The following SPDEF variants were observed in gnomAD, a reference collection of about 807,000 sequenced individuals.
SPDEF encodes the protein SAM pointed domain-containing Ets transcription factor.
A neutral mutation model predicts 36.0 loss-of-function variants in SPDEF; 12 were observed. The ratio of observed to expected loss-of-function variants is 0.33; its 90% CI spans 0.21 to 0.54. The LOEUF (loss-of-function observed/expected upper bound fraction) is 0.54, where lower values mean the gene tolerates loss of function less well. SPDEF is among the 20% of genes least tolerant of loss of function. The probability of loss-of-function intolerance (pLI) is 0.93; values close to 1 mark genes in which losing one functional copy is unlikely to be tolerated. For synonymous variants in SPDEF, 205 were observed against 193.0 expected (o/e 1.06, Z -0.51); for missense variants, 388 against 456.9 (o/e 0.85, Z 1.37).
In SPDEF at chr6:34,549,506, C is replaced by A. The variant is rs544110626; in HGVS notation, c.-29-5022G>T. Among the ~76,000 whole-genome samples the A allele has an allele frequency of 4.7e-4, 71 of 152,318 alleles. 1 individual carries two copies. Among genetic ancestry groups the A allele is most frequent in the African/African-American group, 1.7e-3 (71 of 41,564 alleles). On this transcript the variant is annotated intron_variant, in intron 1 of 5. Coordinates refer to ENST00000374037, the MANE Select transcript of SPDEF (RefSeq NM_012391.3). Reference sequence around the variant, plus strand: ...TGCCTCCCAGGTTTTCACTCCCACACCCCAACTGGCATCAGCAAAAGATGC... The same window carrying A: ...TGCCTCCCAGGTTTTCACTCCCACAACCCAACTGGCATCAGCAAAAGATGC...
In SPDEF at chr6:34,541,196, T is replaced by C; in HGVS notation, c.437-15A>G. On this transcript the variant is annotated splice_polypyrimidine_tract_variant and intron_variant, in intron 2 of 5. Transcript: ENST00000374037. ...GTCCATGGGATCTGGGCAAGAGGCA[T>C]CCCCTCAGCTCAGGGGTGGCCTGAG... The C allele has an allele frequency of 6.3e-7, 1 of 1,581,304 alleles. No homozygotes were observed. Among genetic ancestry groups the C allele is most frequent in the Non-Finnish European group, 8.6e-7 (1 of 1,162,116 alleles).
intron 2 of SPDEF, among the ~76,000 whole-genome samples, chr6:34,542,567 C>A (rs143084951): frequency 6.6e-6 from 1 of 152,264 alleles, no homozygotes; most frequent in Non-Finnish European, 1.5e-5. Context: ...TCAATTCCCC[C>A]GTCCTAGAAT....
chr6:34,542,588 A>C (rs868784552), intron 2 of SPDEF, among the ~76,000 whole-genome samples: 2 of 152,248 alleles, frequency 1.3e-5, no homozygotes, highest in Admixed American at 6.5e-5. Context: ...AAGGCTTGGC[A>C]TATTAGGAAC....
chr6:34,546,024 A>T (rs1181094411), intron 1 of SPDEF, among the ~76,000 whole-genome samples: 1 of 152,200 alleles, frequency 6.6e-6, no homozygotes, highest in African/African-American at 2.4e-5. Flanking sequence ...GTTAGGGAGG[A>T]GGAAAGGAAC....
intron 1 of SPDEF, among the ~76,000 whole-genome samples, chr6:34,545,470 C>T (rs6910822): frequency 0.025 from 3,837 of 152,370 alleles, 133 homozygotes; most frequent in African/African-American, 0.083. Flanking sequence ...CGGGCCGCCC[C>T]GGCTTGGTTT....
In SPDEF at chr6:34,544,578, T is replaced by G. The variant is rs904479725; in HGVS notation, c.-29-94A>C. The G allele has an allele frequency of 1.5e-5, 16 of 1,067,936 alleles. No individual in the cohort carries two copies. Among genetic ancestry groups the G allele is most frequent in the Non-Finnish European group, 9.0e-6 (7 of 777,130 alleles). 66.2% of individuals were successfully genotyped at this position (1,067,936 alleles called of 1,614,324 possible). A position where few individuals can be genotyped will look rare whatever the true frequency, so the allele number is the denominator to read the frequency against. Reference sequence around the variant, plus strand: ...TGGGGATGAGGGGCCCTGTGGACAGTGGGCTGGGCCTGGGACAGAGTTGGG... The same window carrying G: ...TGGGGATGAGGGGCCCTGTGGACAGGGGGCTGGGCCTGGGACAGAGTTGGG... On this transcript the variant is annotated intron_variant, in intron 1 of 5. Coordinates refer to ENST00000374037, the MANE Select transcript of SPDEF (RefSeq NM_012391.3). This position sits in a 1 kb window ranked among gnomAD's most constrained non-coding sequence, Gnocchi z 4.4.
chr6:34,555,057 C>G lies in SPDEF; in HGVS notation c.-30+872G>C, dbSNP rs376625718. Among the ~76,000 whole-genome samples, 2 of 151,950 alleles carry G rather than the reference C, an allele frequency of 1.3e-5. No individual in the cohort carries two copies. The highest frequency in any genetic ancestry group is 2.1e-4 in the South Asian group (1 of 4,810). On this transcript the variant is annotated intron_variant, in intron 1 of 5. Transcript: ENST00000374037. This position sits in a 1 kb window ranked among gnomAD's most constrained non-coding sequence, Gnocchi z 5.2. ...TGCCCCTCCCCAACATGCACACACA[C>G]GCACACACACATGCACATGCAACAC...
chr6:34,551,675 G>A (rs1274035288), intron 1 of SPDEF, among the ~76,000 whole-genome samples: 1 of 152,180 alleles, frequency 6.6e-6, no homozygotes, highest in Non-Finnish European at 1.5e-5. Flanking sequence ...GATGAGGGGT[G>A]TGGCTGTCCC....
intron 1 of SPDEF, among the ~76,000 whole-genome samples, chr6:34,554,284 A>T (rs1396555828): frequency 6.6e-6 from 1 of 152,212 alleles, no homozygotes; most frequent in African/African-American, 2.4e-5. Flanking sequence ...CCTCAGTGGT[A>T]AAAAGTGGGT....
chr6:34,540,898 C>T (rs957164042), intron 3 of SPDEF, 86 bp downstream of exon 3: 18 of 1,310,808 alleles, frequency 1.4e-5, no homozygotes, highest in African/African-American at 1.0e-4. Flanking sequence ...GGGGCTGCTG[C>T]CCTAGCAGAG....
rs1465259850 is a variant in SPDEF at position 34,537,969 on chromosome 6, C to T, written c.*305G>A. 6 of 322,554 alleles carry T rather than the reference C, an allele frequency of 1.9e-5. No homozygotes were observed. The South Asian group carries it at 2.7e-4, about 14-fold the overall frequency. 20.0% of individuals were successfully genotyped at this position (322,554 alleles called of 1,614,324 possible). A position where few individuals can be genotyped will look rare whatever the true frequency, so the allele number is the denominator to read the frequency against. ...CTGTGGCCTTTGTCGAGTCACTGCC[C>T]TTCTGTAGGCTCTGCTCTGGAAATG... On this transcript the variant is annotated 3_prime_UTR_variant, in exon 6 of 6. Coordinates refer to ENST00000374037, the MANE Select transcript of SPDEF (RefSeq NM_012391.3).
intron 3 of SPDEF, 140 bp downstream of exon 3, chr6:34,540,844 G>A (rs865781605): frequency 5.0e-5 from 39 of 779,604 alleles, no homozygotes; most frequent in South Asian, 2.1e-4. Flanking sequence ...GGAGGCAGCT[G>A]AAACTGGGGC....
In SPDEF at chr6:34,555,040, C is replaced by T. The variant is rs1205583978; in HGVS notation, c.-30+889G>A. Reference sequence around the variant, plus strand: ...GGTGAGGGATCTTGGCCTGCCCCTCCCCAACATGCACACACACGCACACAC... The same window carrying T: ...GGTGAGGGATCTTGGCCTGCCCCTCTCCAACATGCACACACACGCACACAC... On this transcript the variant is annotated intron_variant, in intron 1 of 5. Transcript: ENST00000374037. This position sits in a 1 kb window ranked among gnomAD's most constrained non-coding sequence, Gnocchi z 5.2. 6.6e-6 allele frequency among the ~76,000 whole-genome samples: 1 copy of T among 152,068 alleles called. No homozygotes were observed. The highest frequency in any genetic ancestry group is 1.5e-5 in the Non-Finnish European group (1 of 67,994).
At chr6:34,553,789 G>T (rs1022625299) in intron 1 of SPDEF, among the ~76,000 whole-genome samples, 1 of 151,928 alleles carries the variant, frequency 6.6e-6, no homozygotes, top group African/African-American at 2.4e-5. Flanking sequence ...TGAGGATGGT[G>T]GTGAGGGAGG....
intron 1 of SPDEF, among the ~76,000 whole-genome samples, chr6:34,553,333 T>C (rs978562982): frequency 7.9e-5 from 12 of 151,216 alleles, no homozygotes; most frequent in Non-Finnish European, 2.9e-5. Flanking sequence ...CCAGGGCAAC[T>C]CGGCTTGTGC....
At chr6:34,551,823 T>TCCAG (rs2127293979) in intron 1 of SPDEF, among the ~76,000 whole-genome samples, 1 of 152,120 alleles carries the variant, frequency 6.6e-6, no homozygotes, top group Non-Finnish European at 1.5e-5. Flanking sequence ...CCCCGCCTCC[T>TCCAG]CCAGCCAGCA....
chr6:34,544,384 C>G lies in SPDEF; in HGVS notation c.72G>C (p.Ser24=), dbSNP rs199945815. Residue 24 remains serine, a synonymous_variant, in exon 2 of 6, where the codon TCG becomes TCC. Transcript: ENST00000374037. The surrounding 1 kb of genome is among the most constrained non-coding windows in gnomAD (Gnocchi z 4.4). ...CTGCCGCCTTCTCCAAGCCTGTCCG[C>G]GACACCGTGTCGGGGGGCAGCAGGA... ...SHLLLPPDTV[S]RTGLEKAAAG... The G allele has an allele frequency of 2.5e-6, 4 of 1,595,966 alleles. No individual in the cohort carries two copies. Among genetic ancestry groups the G allele is most frequent in the Non-Finnish European group, 3.4e-6 (4 of 1,170,286 alleles).
Position 34,556,177 on chromosome 6 carries a change from C to G in SPDEF, c.-278G>C, listed in dbSNP as rs1204039463. ...CCTGTAGGGAGTCCCCTACCCCCAG[C>G]CCAGGGCTGCCTGCTGGCACCGTGG... On this transcript the variant is annotated 5_prime_UTR_variant, in exon 1 of 6. Transcript: ENST00000374037. 6.6e-6 allele frequency: 1 copy of G among 152,226 alleles called. No individual in the cohort carries two copies. Among genetic ancestry groups the G allele is most frequent in the African/African-American group, 2.4e-5 (1 of 41,440 alleles). The allele number at this position is 152,226 out of a possible 1,614,324, so 9.4% of individuals were successfully genotyped here. A position where few individuals can be genotyped will look rare whatever the true frequency, so the allele number is the denominator to read the frequency against.
chr6:34,555,047 TGCACACACAC>T lies in SPDEF; in HGVS notation c.-30+872_-30+881del, dbSNP rs1203920050. ...GATCTTGGCCTGCCCCTCCCCAACA[TGCACACACAC>T]GCACACACACATGCACATGCAACAC... On this transcript the variant is annotated intron_variant, in intron 1 of 5. Coordinates refer to ENST00000374037, the MANE Select transcript of SPDEF (RefSeq NM_012391.3). This position sits in a 1 kb window ranked among gnomAD's most constrained non-coding sequence, Gnocchi z 5.2. 1.3e-5 allele frequency among the ~76,000 whole-genome samples: 2 copies of T among 151,966 alleles called. No individual in the cohort carries two copies. Among genetic ancestry groups the T allele is most frequent in the African/African-American group, 2.4e-5 (1 of 41,362 alleles).
Sources: allele counts gnomAD v4.1 joint callset (sites outside exome capture counted in the v4.1 genomes callset), GRCh38; gene constraint gnomAD v4.1.1; non-coding constraint Gnocchi (gnomAD v3.1); transcripts MANE v1.5; gene names NCBI Gene and HGNC (gene_info 2026-07-23, HGNC 2026-07-21).